Variants in KIF5C observed in about 807,000 individuals in gnomAD.
The protein encoded by KIF5C is kinesin heavy chain isoform 5C.
In KIF5C, 18 loss-of-function variants were observed where a neutral mutation model predicts 125.2. The observed-to-expected ratio is 0.14, with a 90% CI of 0.10 to 0.21. The LOEUF (loss-of-function observed/expected upper bound fraction) is 0.21, where lower values mean the gene tolerates loss of function less well. Among genes scored for constraint, KIF5C ranks in the 10% least tolerant of loss-of-function variants. The probability of loss-of-function intolerance (pLI) is 1.00; values close to 1 mark genes in which losing one functional copy is unlikely to be tolerated. For missense variants in KIF5C, 780 were observed against 1,183.8 expected (o/e 0.66, Z 5.01); for synonymous variants, 405 against 434.0 (o/e 0.93, Z 0.83).
chr2:148,987,312 G>C (rs1032336503), intron 15 of KIF5C, among the ~76,000 whole-genome samples: 1 of 152,066 alleles, frequency 6.6e-6, no homozygotes, highest in Admixed American at 6.5e-5. Context: ...TTATAATTAG[G>C]CCCTGTACAT....
At chr2:149,010,107 A>T in intron 23 of KIF5C, 28 bp from the exon 24 acceptor site, 1 of 1,524,880 alleles carries the variant, frequency 6.6e-7, no homozygotes, top group Non-Finnish European at 8.8e-7. Context: ...CCTGGTAGTA[A>T]CTCCCTTCCT....
chr2:148,897,125 G>A (rs970658117), intron 1 of KIF5C, among the ~76,000 whole-genome samples: 6 of 152,194 alleles, frequency 3.9e-5, no homozygotes, highest in Non-Finnish European at 8.8e-5. Flanking sequence ...GAGCCACTGC[G>A]CCCGGCCAAG....
At chr2:149,014,658 G>T (rs2105206460) in intron 25 of KIF5C, among the ~76,000 whole-genome samples, 1 of 152,312 alleles carries the variant, frequency 6.6e-6, no homozygotes, top group African/African-American at 2.4e-5. Flanking sequence ...GCTTAAATGA[G>T]GTCATGCTTC....
chr2:149,006,415 C>A (rs568020793), intron 22 of KIF5C, among the ~76,000 whole-genome samples: 1 of 151,956 alleles, frequency 6.6e-6, no homozygotes, highest in African/African-American at 2.4e-5. Context: ...GAAATACATG[C>A]GGGTGGAAAG....
chr2:149,012,353 C>T (rs1027668716), intron 25 of KIF5C, among the ~76,000 whole-genome samples: 2 of 152,216 alleles, frequency 1.3e-5, no homozygotes, highest in Admixed American at 6.5e-5. Flanking sequence ...ACTAGTTGGG[C>T]GGGCAGACAG....
At chr2:148,950,624 C>T (rs1418017079) in intron 10 of KIF5C, among the ~76,000 whole-genome samples, 162 bp downstream of exon 10, 2 of 152,174 alleles carry the variant, frequency 1.3e-5, no homozygotes, top group Non-Finnish European at 2.9e-5. Flanking sequence ...GCCTGGCCCA[C>T]ATGGTGAAAC....
intron 17 of KIF5C, among the ~76,000 whole-genome samples, chr2:148,997,025 C>A (rs1574824334): frequency 6.6e-6 from 1 of 152,200 alleles, no homozygotes; most frequent in South Asian, 2.1e-4. Flanking sequence ...CATTGTCCCC[C>A]AGTAAGCATT....
chr2:148,962,181 T>C, intron 11 of KIF5C, 62 bp downstream of exon 11: 2 of 1,493,158 alleles, frequency 1.3e-6, no homozygotes, highest in Non-Finnish European at 1.8e-6. Flanking sequence ...TTTTATTTTT[T>C]TTGAGACAGA....
intron 3 of KIF5C, 113 bp from the exon 4 acceptor site, chr2:148,937,171 G>C: frequency 3.5e-6 from 5 of 1,440,796 alleles, no homozygotes; most frequent in Non-Finnish European, 4.6e-6. Flanking sequence ...GGCACACGTG[G>C]GTGCTTCCTG....
At chr2:148,910,685 G>A (rs1339960772) in intron 1 of KIF5C, among the ~76,000 whole-genome samples, 1 of 152,138 alleles carries the variant, frequency 6.6e-6, no homozygotes, top group African/African-American at 2.4e-5. Context: ...TGCACTAGGG[G>A]GATCATATAC....
chr2:148,883,344 A>T (rs1211503220), intron 1 of KIF5C, among the ~76,000 whole-genome samples: 20 of 152,138 alleles, frequency 1.3e-4, no homozygotes, highest in African/African-American at 4.8e-4. Flanking sequence ...TACTAAAAAT[A>T]CAAAAAATTA....
chr2:148,875,833 C>G, intron 1 of KIF5C, 90 bp downstream of exon 1: 1 of 1,488,086 alleles, frequency 6.7e-7, no homozygotes, highest in South Asian at 1.3e-5. Context: ...GTTTAGGCCG[C>G]CCCCTCGGAC....
intron 6 of KIF5C, 73 bp from the exon 7 acceptor site, chr2:148,942,600 A>G: frequency 6.5e-7 from 1 of 1,544,974 alleles, no homozygotes; most frequent in East Asian, 2.4e-5. Flanking sequence ...TAAACAGGAA[A>G]ATGTTTCAGC....
At chr2:148,894,098 C>G (rs1479142065) in intron 1 of KIF5C, among the ~76,000 whole-genome samples, 1 of 152,218 alleles carries the variant, frequency 6.6e-6, no homozygotes, top group Non-Finnish European at 1.5e-5. Flanking sequence ...GAGCATGAAA[C>G]ACCTTTAAGG....
intron 10 of KIF5C, among the ~76,000 whole-genome samples, chr2:148,959,665 G>A (rs1682878983): frequency 1.3e-5 from 2 of 152,152 alleles, no homozygotes; most frequent in African/African-American, 4.8e-5. Flanking sequence ...CTACTCCTCT[G>A]GATCTTTTCT....
intron 10 of KIF5C, among the ~76,000 whole-genome samples, chr2:148,957,610 A>C (rs200773091): frequency 0.22 from 32,595 of 149,254 alleles, 4,110 homozygotes; most frequent in South Asian, 0.3. Context: ...AAAAAAAAAA[A>C]AAAAAAACAA....
chr2:149,009,610 C>T (rs906981926), intron 23 of KIF5C, among the ~76,000 whole-genome samples: 3 of 152,136 alleles, frequency 2.0e-5, no homozygotes, highest in Admixed American at 6.5e-5. Context: ...AGCAAAAAGG[C>T]GCAGTCTCCT....
intron 25 of KIF5C, among the ~76,000 whole-genome samples, chr2:149,012,127 A>C (rs1682226199): frequency 6.6e-6 from 1 of 152,240 alleles, no homozygotes; most frequent in Admixed American, 6.5e-5. Context: ...TATGTTTACT[A>C]TCTGAACTCA....
At position 149,025,492 on chromosome 2, in the gene KIF5C, C is replaced by T. The variant is rs1201187148; in HGVS notation, c.*2422C>T. Reference sequence around the variant, plus strand: ...AAAAAAGCCACATATGTGCAATTTTCAGGTTTTTAGACTATTGCTCCCTGT... The same window carrying T: ...AAAAAAGCCACATATGTGCAATTTTTAGGTTTTTAGACTATTGCTCCCTGT... On this transcript the variant is annotated 3_prime_UTR_variant, in exon 26 of 26. Coordinates refer to ENST00000435030, the MANE Select transcript of KIF5C (RefSeq NM_004522.3). The T allele has an allele frequency of 6.6e-6, 1 of 152,554 alleles. No individual in the cohort carries two copies. The highest frequency in any genetic ancestry group is 2.4e-5 in the African/African-American group (1 of 41,464). 9.5% of individuals were successfully genotyped at this position (152,554 alleles called of 1,614,324 possible). A position where few individuals can be genotyped will look rare whatever the true frequency, so the allele number is the denominator to read the frequency against.
Sources: gnomAD v4.1 joint callset for allele counts (sites outside exome capture counted in the v4.1 genomes callset) on GRCh38, gnomAD v4.1.1 for gene constraint, MANE v1.5 for transcripts, NCBI Gene and HGNC (gene_info 2026-07-23, HGNC 2026-07-21) for gene names.